The following PCDHGB4 variants were observed in gnomAD, a reference collection of about 807,000 sequenced individuals.
PCDHGB4 encodes protocadherin gamma subfamily B, 4.
PCDHGB4 carries 38 observed loss-of-function variants against 60.5 expected under a neutral mutation model. That is an observed-to-expected ratio of 0.63 (90% CI 0.48 to 0.82). The LOEUF (loss-of-function observed/expected upper bound fraction) is 0.82, where lower values mean the gene tolerates loss of function less well. Among genes scored for constraint, PCDHGB4 ranks in the 40% least tolerant of loss-of-function variants. The pLI, the probability that PCDHGB4 is intolerant of heterozygous loss-of-function variation, is 0.00. For missense variants in PCDHGB4, 1,109 were observed against 1,209.6 expected (o/e 0.92, Z 1.23); for synonymous variants, 456 against 509.7 (o/e 0.89, Z 1.42).
intron 1 of PCDHGB4, among the ~76,000 whole-genome samples, chr5:141,460,961 A>G (rs113156768): frequency 0.11 from 16,010 of 144,518 alleles, 1,385 homozygotes; most frequent in African/African-American, 0.24. Context: ...GTATATATAT[A>G]TGTGTGTGTG....
rs562192762 is a variant in PCDHGB4, at chr5:141,485,718, T to C, written c.2398-9089T>C. 1 of 1,614,058 alleles carries C rather than the reference T, an allele frequency of 6.2e-7. No homozygotes were observed. The highest frequency in any genetic ancestry group is 2.2e-5 in the East Asian group (1 of 44,866). On this transcript the variant is annotated intron_variant, in intron 1 of 3. Coordinates refer to ENST00000519479, the MANE Select transcript of PCDHGB4 (RefSeq NM_003736.4). This position sits in a 1 kb window ranked among gnomAD's most constrained non-coding sequence, Gnocchi z 5.7. ...TCCAATGAACACTTTGCACTGGATG[T>C]GAAGAAGCGCAGCGACGGCAGCCTG...
chr5:141,491,034 T>A lies in PCDHGB4; in HGVS notation c.2398-3773T>A. On this transcript the variant is annotated intron_variant, in intron 1 of 3. Coordinates refer to ENST00000519479, the MANE Select transcript of PCDHGB4 (RefSeq NM_003736.4). This position sits in a 1 kb window ranked among gnomAD's most constrained non-coding sequence, Gnocchi z 6.9. ...CCAAGGTGACAGCCGTGGATGCTGA[T>A]GCAGGCCACAATGCGTGGCTCTCCT... 1 of 1,614,170 alleles carries A rather than the reference T, an allele frequency of 6.2e-7. No individual in the cohort carries two copies. Among genetic ancestry groups the A allele is most frequent in the African/African-American group, 1.3e-5 (1 of 75,074 alleles).
chr5:141,476,098 G>A lies in PCDHGB4; in HGVS notation c.2398-18709G>A, dbSNP rs1241353656. The A allele has an allele frequency of 4.5e-6, 7 of 1,573,026 alleles. No homozygotes were observed. Among genetic ancestry groups the A allele is most frequent in the Non-Finnish European group, 6.0e-6 (7 of 1,163,102 alleles). ...AGGGACGATCTGGACCCCGCTGAGA[G>A]GAACTGCTTTTGAGTGAGATGGTCC... On this transcript the variant is annotated intron_variant, in intron 1 of 3. Transcript: ENST00000519479. This position sits in a 1 kb window ranked among gnomAD's most constrained non-coding sequence, Gnocchi z 7.6.
chr5:141,509,300 G>A (rs987250093), intron 3 of PCDHGB4, among the ~76,000 whole-genome samples: 5 of 152,216 alleles, frequency 3.3e-5, no homozygotes, highest in African/African-American at 1.2e-4. Flanking sequence ...GGTGGAGGCA[G>A]AGGGAGGCTG....
At chr5:141,509,887 T>C (rs138950510) in intron 3 of PCDHGB4, among the ~76,000 whole-genome samples, 1 of 152,314 alleles carries the variant, frequency 6.6e-6, no homozygotes, top group East Asian at 1.9e-4. Flanking sequence ...TGATGGTGAC[T>C]GACTGTCCCT....
At chr5:141,408,455 C>A in intron 1 of PCDHGB4, 1 of 1,614,050 alleles carries the variant, frequency 6.2e-7, no homozygotes, top group South Asian at 1.1e-5. Flanking sequence ...CGGGGACTTA[C>A]TTGTGAAGAA....
rs2233607 is a variant in PCDHGB4 at position 141,490,647 on chromosome 5, G to A, written c.2398-4160G>A. The A allele has an allele frequency of 2.5e-3, 3,973 of 1,614,082 alleles. 41 individuals carry two copies. The African/African-American group carries it at 0.027, about 11-fold the overall frequency. ...CTTACATCCTAGAAAACCGGCCTCC[G>A]GGCTCCCTTCTTTGCACTGTGGCTG... is the stretch of plus-strand genomic sequence containing the variant. On this transcript the variant is annotated intron_variant, in intron 1 of 3. Transcript: ENST00000519479. The surrounding 1 kb of genome is among the most constrained non-coding windows in gnomAD (Gnocchi z 5.4).
intron 1 of PCDHGB4, among the ~76,000 whole-genome samples, chr5:141,465,041 C>T (rs2099095802): frequency 6.6e-6 from 1 of 151,856 alleles, no homozygotes; most frequent in Non-Finnish European, 1.5e-5. Flanking sequence ...CACAAATGAC[C>T]CTATATATTT....
intron 1 of PCDHGB4, chr5:141,484,931 A>T: frequency 4.0e-6 from 2 of 498,120 alleles, no homozygotes; most frequent in South Asian, 5.3e-5. Context: ...TGCTGTTGGG[A>T]CGTTCTCTGC....
intron 1 of PCDHGB4, chr5:141,421,344 G>A: frequency 6.2e-7 from 1 of 1,613,976 alleles, no homozygotes; most frequent in Non-Finnish European, 8.5e-7. Context: ...TGCCAGAAGA[G>A]ACCGAAAAGG....
rs192747939 is a variant in PCDHGB4 at position 141,487,483 on chromosome 5, T to C, written c.2398-7324T>C. 12 of 1,614,224 alleles carry C rather than the reference T, an allele frequency of 7.4e-6. No individual in the cohort carries two copies. In the Admixed American group the frequency reaches 1.8e-4, roughly 25 times the overall value. On this transcript the variant is annotated intron_variant, in intron 1 of 3. Coordinates refer to ENST00000519479, the MANE Select transcript of PCDHGB4 (RefSeq NM_003736.4). This position sits in a 1 kb window ranked among gnomAD's most constrained non-coding sequence, Gnocchi z 5.0. ...TTGTTGATGTGGGAGGCCACTCTCA[T>C]GGCTGTACACCCTTGGCTTCTGCAC... is the stretch of plus-strand genomic sequence containing the variant.
intron 1 of PCDHGB4, among the ~76,000 whole-genome samples, chr5:141,484,021 G>A (rs892390865): frequency 2.6e-5 from 4 of 151,080 alleles, no homozygotes; most frequent in African/African-American, 9.7e-5. Context: ...GGGGTGGGGT[G>A]AGATCAAGTC....
At chr5:141,405,104 C>A in intron 1 of PCDHGB4, 3 of 1,613,940 alleles carry the variant, frequency 1.9e-6, no homozygotes, top group Non-Finnish European at 2.5e-6. Flanking sequence ...CAGGCTGAGG[C>A]ACTGGCACTC....
chr5:141,423,335 G>T (rs781241820), intron 1 of PCDHGB4: 11 of 1,614,046 alleles, frequency 6.8e-6, no homozygotes, highest in Non-Finnish European at 9.3e-6. Context: ...GCAGTCTCCT[G>T]CATCTTCCTG....
chr5:141,475,914 A>C (rs2099380300), intron 1 of PCDHGB4: 1 of 592,260 alleles, frequency 1.7e-6, no homozygotes, highest in African/African-American at 1.9e-5. Context: ...GCCAATGAAG[A>C]CGCTGGAGAT....
intron 1 of PCDHGB4, among the ~76,000 whole-genome samples, chr5:141,407,414 C>T (rs1190741475): frequency 6.6e-6 from 1 of 152,156 alleles, no homozygotes; most frequent in Non-Finnish European, 1.5e-5. Flanking sequence ...TTCGATACCA[C>T]AAAAATGTCT....
rs759346998 is a variant in PCDHGB4, at chr5:141,410,849, C to CTTTTTTTTTTTTTTTTTTTTTTTTTTTTT, written c.2397+20590_2397+20591insTTTTTTTTTTTTTTTTTTTTTTTTTTTTT. 5.4e-5 allele frequency: 7 copies of CTTTTTTTTTTTTTTTTTTTTTTTTTTTTT among 129,786 alleles called. 2 individuals carry two copies. The highest frequency in any genetic ancestry group is 3.0e-4 in the African/African-American group (5 of 16,598). 8.0% of individuals were successfully genotyped at this position (129,786 alleles called of 1,614,324 possible). A position where few individuals can be genotyped will look rare whatever the true frequency, so the allele number is the denominator to read the frequency against. ...CAGACTGAAGATATTTTGTCTTTGT[C>CTTTTTTTTTTTTTTTTTTTTTTTTTTTTT]TTTTTTTTTTTTTTTTTTTTTTGAG... On this transcript the variant is annotated intron_variant, in intron 1 of 3. Transcript: ENST00000519479.
At chr5:141,433,264 G>T in intron 1 of PCDHGB4, 1 of 1,314,872 alleles carries the variant, frequency 7.6e-7, no homozygotes, top group South Asian at 1.4e-5. Flanking sequence ...TACGATCATA[G>T]CTCACTGCAG....
chr5:141,419,996 C>G, intron 1 of PCDHGB4: 1 of 1,614,084 alleles, frequency 6.2e-7, no homozygotes, highest in Non-Finnish European at 8.5e-7. Context: ...AGCTATTGCT[C>G]TACGCCTGCG....
Sources: gnomAD v4.1 joint callset for allele counts (sites outside exome capture counted in the v4.1 genomes callset) on GRCh38, gnomAD v4.1.1 for gene constraint, Gnocchi (gnomAD v3.1) non-coding constraint, MANE v1.5 for transcripts, NCBI Gene and HGNC (gene_info 2026-07-23, HGNC 2026-07-21) for gene names.